Variants in ADAMTSL1 observed in about 807,000 individuals in gnomAD.
The protein encoded by ADAMTSL1 is ADAMTS like 1.
Under a neutral mutation model 201.8 loss-of-function variants are expected in ADAMTSL1, and 126 were observed. The ratio of observed to expected loss-of-function variants is 0.62; its 90% confidence interval spans 0.54 to 0.72. The LOEUF (loss-of-function observed/expected upper bound fraction) is 0.72. Ranked by LOEUF, ADAMTSL1 falls within the 30% of genes least tolerant of loss-of-function variation. The probability of loss-of-function intolerance (pLI) is 0.00; values close to 1 mark genes in which losing one functional copy is unlikely to be tolerated. For synonymous variants in ADAMTSL1, 1,121 were observed against 903.4 expected (o/e 1.24, Z -4.32); for missense variants, 2,679 against 2,277.8 (o/e 1.18, Z -3.59).
At chr9:18,122,557 T>C (rs566300204) in intron 1 of ADAMTSL1, among the ~76,000 whole-genome samples, 1 of 152,338 alleles carries the variant, frequency 6.6e-6, no homozygotes, top group South Asian at 2.1e-4. Flanking sequence ...TGATTTATGC[T>C]AAGCATAAAT....
intron 2 of ADAMTSL1, among the ~76,000 whole-genome samples, chr9:18,430,044 C>A (rs1044573266): frequency 6.6e-6 from 1 of 152,104 alleles, no homozygotes; most frequent in African/African-American, 2.4e-5. Context: ...CCCATGTCAG[C>A]CTCCCAAAGT....
At chr9:18,269,912 G>T (rs1832290738) in intron 2 of ADAMTSL1, among the ~76,000 whole-genome samples, 1 of 150,738 alleles carries the variant, frequency 6.6e-6, no homozygotes, top group African/African-American at 2.4e-5. Flanking sequence ...TCCCATGGGT[G>T]TGTTATTAGC....
intron 2 of ADAMTSL1, among the ~76,000 whole-genome samples, chr9:18,371,897 T>A (rs145358730): frequency 1.3e-5 from 2 of 152,216 alleles, no homozygotes. Flanking sequence ...AGCTCTGATG[T>A]TAGATCTCTG....
chr9:18,747,753 A>G (rs933931718), intron 15 of ADAMTSL1, among the ~76,000 whole-genome samples: 23 of 152,152 alleles, frequency 1.5e-4, no homozygotes, highest in African/African-American at 5.6e-4. Context: ...TTTTTAGCTC[A>G]TGCATGGCTA....
At chr9:18,286,456 T>G (rs374924539) in intron 2 of ADAMTSL1, among the ~76,000 whole-genome samples, 1 of 152,098 alleles carries the variant, frequency 6.6e-6, no homozygotes, top group Non-Finnish European at 1.5e-5. Flanking sequence ...TGTTTGAAAA[T>G]TAGAGGGTAG....
chr9:18,354,048 CA>C (rs1836096186), intron 2 of ADAMTSL1, among the ~76,000 whole-genome samples: 2 of 142,576 alleles, frequency 1.4e-5, no homozygotes, highest in Non-Finnish European at 3.1e-5. Flanking sequence ...TTTTTCTATA[CA>C]TATATATATA....
At chr9:18,607,758 C>G (rs761272632) in intron 4 of ADAMTSL1, among the ~76,000 whole-genome samples, 3 of 150,398 alleles carry the variant, frequency 2.0e-5, no homozygotes, top group Non-Finnish European at 3.0e-5. Context: ...CCCCAGAGTG[C>G]GATGTTCCCC....
chr9:18,184,935 T>A (rs1016266677), intron 2 of ADAMTSL1, among the ~76,000 whole-genome samples: 1 of 152,210 alleles, frequency 6.6e-6, no homozygotes, highest in African/African-American at 2.4e-5. Context: ...TCTATTGTTC[T>A]AACTTTGCAT....
intron 1 of ADAMTSL1, among the ~76,000 whole-genome samples, chr9:17,997,210 A>G (rs1376304912): frequency 9.9e-5 from 15 of 152,248 alleles, no homozygotes. Flanking sequence ...TCAAAGCCAC[A>G]TGGTCTAAAA....
At chr9:18,682,559 G>A (rs1382751809) in intron 12 of ADAMTSL1, among the ~76,000 whole-genome samples, 1 of 152,068 alleles carries the variant, frequency 6.6e-6, no homozygotes, top group Non-Finnish European at 1.5e-5. Flanking sequence ...AATTACACTG[G>A]ATATCTCAGA....
intron 1 of ADAMTSL1, among the ~76,000 whole-genome samples, chr9:17,997,565 C>G (rs987980405): frequency 6.6e-6 from 1 of 152,010 alleles, no homozygotes; most frequent in Non-Finnish European, 1.5e-5. Context: ...AGACAAATAT[C>G]TATGTGAAAA....
intron 1 of ADAMTSL1, among the ~76,000 whole-genome samples, chr9:18,487,871 C>T (rs1479929936): frequency 6.6e-6 from 1 of 152,182 alleles, no homozygotes; most frequent in Non-Finnish European, 1.5e-5. Flanking sequence ...TTGCAGTTCA[C>T]AGCTTGTACC....
chr9:18,272,432 C>A (rs1463846436), intron 2 of ADAMTSL1, among the ~76,000 whole-genome samples: 2 of 152,160 alleles, frequency 1.3e-5, no homozygotes, highest in African/African-American at 2.4e-5. Context: ...GGATTCCTTC[C>A]TTACACCTTA....
intron 23 of ADAMTSL1, among the ~76,000 whole-genome samples, chr9:18,843,901 C>G (rs1379041840): frequency 2.0e-5 from 3 of 151,868 alleles, no homozygotes; most frequent in Non-Finnish European, 4.4e-5. Context: ...CCTTTAAGCA[C>G]TTCTCTGTAT....
At chr9:18,526,944 T>C (rs1323608718) in intron 2 of ADAMTSL1, among the ~76,000 whole-genome samples, 2 of 152,154 alleles carry the variant, frequency 1.3e-5, no homozygotes, top group East Asian at 3.9e-4. Flanking sequence ...ATGTCTTTTC[T>C]CTTGTAAAGA....
intron 2 of ADAMTSL1, among the ~76,000 whole-genome samples, chr9:18,466,327 T>G (rs1184760806): frequency 2.6e-5 from 4 of 152,218 alleles, no homozygotes; most frequent in Non-Finnish European, 5.9e-5. Context: ...GTTGTTGGCT[T>G]GTATTCAATT....
intron 2 of ADAMTSL1, among the ~76,000 whole-genome samples, chr9:18,301,563 A>G (rs1159110438): frequency 6.6e-6 from 1 of 152,218 alleles, no homozygotes; most frequent in Non-Finnish European, 1.5e-5. Flanking sequence ...ACCATTATGA[A>G]TTATGACAAT....
At chr9:18,042,652 T>C (rs1017304916) in intron 1 of ADAMTSL1, among the ~76,000 whole-genome samples, 11 of 152,166 alleles carry the variant, frequency 7.2e-5, no homozygotes, top group African/African-American at 2.4e-4. Context: ...TGATTCACTG[T>C]TACAGCCCTT....
At chr9:18,607,999 T>C (rs1174409428) in intron 4 of ADAMTSL1, among the ~76,000 whole-genome samples, 1 of 152,170 alleles carries the variant, frequency 6.6e-6, no homozygotes, top group African/African-American at 2.4e-5. Flanking sequence ...AACCACTTAT[T>C]GCAAATTACA....
Sources: gnomAD v4.1 joint callset for allele counts (sites outside exome capture counted in the v4.1 genomes callset) on GRCh38, gnomAD v4.1.1 for gene constraint, MANE v1.5 for transcripts, NCBI Gene and HGNC (gene_info 2026-07-23, HGNC 2026-07-21) for gene names.